Variants in STK3 observed in about 807,000 individuals in gnomAD.
STK3 encodes the protein serine/threonine-protein kinase 3.
A neutral mutation model predicts 58.0 loss-of-function variants in STK3; 41 were observed. The ratio of observed to expected loss-of-function variants is 0.71; its 90% CI spans 0.55 to 0.92. The LOEUF is 0.92. Among genes scored for constraint, STK3 ranks in the 40% least tolerant of loss-of-function variants. The pLI is 0.00. For missense variants in STK3, 479 were observed against 602.7 expected, an observed-to-expected ratio of 0.79 and a Z score of 2.15; for synonymous variants, 170 against 191.0, an observed-to-expected ratio of 0.89 and a Z score of 0.91.
At chr8:98,639,653 C>A (rs531311519) in intron 6 of STK3, among the ~76,000 whole-genome samples, 1 of 152,264 alleles carries the variant, frequency 6.6e-6, no homozygotes, top group African/African-American at 2.4e-5. Context: ...CTTTTCAAAA[C>A]CAAAGGCATA....
intron 10 of STK3, among the ~76,000 whole-genome samples, chr8:98,460,208 T>C (rs895124732): frequency 2.0e-5 from 3 of 152,218 alleles, no homozygotes; most frequent in African/African-American, 7.2e-5. Context: ...ATGTGAGACA[T>C]GGAGTCAAAG....
rs1390081929 is a variant in STK3 at position 98,638,009 on chromosome 8, T to A, written c.685-41840A>T. On this transcript the variant is annotated intron_variant, in intron 6 of 10. Transcript: ENST00000419617. ...ATCTGTTTTACTATTCCTTTTAAACTCTCTACTCATGCTACTTTAGGTGTG... is the reference window on the plus strand; with the variant it reads ...ATCTGTTTTACTATTCCTTTTAAACACTCTACTCATGCTACTTTAGGTGTG... 3.3e-5 allele frequency among the ~76,000 whole-genome samples: 5 copies of A among 152,276 alleles called. 1 individual carries two copies. The highest frequency in any genetic ancestry group is 1.2e-4 in the African/African-American group (5 of 41,576).
At chr8:98,713,490 T>C (rs1407759405) in intron 4 of STK3, among the ~76,000 whole-genome samples, 1 of 152,164 alleles carries the variant, frequency 6.6e-6, no homozygotes, top group African/African-American at 2.4e-5. Context: ...CAGAGAATAC[T>C]ATAAACACCT....
chr8:98,907,381 G>A (rs1269743910), intron 1 of STK3, among the ~76,000 whole-genome samples: 1 of 151,400 alleles, frequency 6.6e-6, no homozygotes, highest in Non-Finnish European at 1.5e-5. Context: ...AGGCGTGGTG[G>A]CACCACCTGT....
chr8:98,656,268 A>C (rs1821511303), intron 6 of STK3, among the ~76,000 whole-genome samples: 1 of 151,006 alleles, frequency 6.6e-6, no homozygotes, highest in East Asian at 2.0e-4. Flanking sequence ...TCTCACTCAT[A>C]GGTGGGAATT....
At chr8:98,515,169 C>T (rs1283624316) in intron 10 of STK3, among the ~76,000 whole-genome samples, 1 of 152,080 alleles carries the variant, frequency 6.6e-6, no homozygotes, top group African/African-American at 2.4e-5. Flanking sequence ...GTCTCCAGTT[C>T]CTCTCTATGC....
chr8:98,870,830 G>T (rs1452430729), intron 3 of STK3, among the ~76,000 whole-genome samples: 1 of 152,192 alleles, frequency 6.6e-6, no homozygotes, highest in Non-Finnish European at 1.5e-5. Context: ...TTGCTGTGCA[G>T]AAGCTCTTTA....
chr8:98,532,470 G>T (rs1214769247), intron 9 of STK3, among the ~76,000 whole-genome samples: 1 of 152,096 alleles, frequency 6.6e-6, no homozygotes, highest in Non-Finnish European at 1.5e-5. Flanking sequence ...ACAGATCAGT[G>T]TAACAGACAT....
chr8:98,631,727 C>T (rs1017771297), intron 6 of STK3, among the ~76,000 whole-genome samples: 1 of 152,156 alleles, frequency 6.6e-6, no homozygotes, highest in South Asian at 2.1e-4. Context: ...GGCAGTGGCA[C>T]GACCTCGGCT....
At chr8:98,742,164 T>G (rs1004495927) in intron 4 of STK3, among the ~76,000 whole-genome samples, 2 of 151,928 alleles carry the variant, frequency 1.3e-5, no homozygotes, top group Non-Finnish European at 2.9e-5. Flanking sequence ...AAGGAGGAAC[T>G]GGTACCATTC....
chr8:98,753,061 AAGACCTAG>A, intron 3 of STK3, among the ~76,000 whole-genome samples: 1 of 152,284 alleles, frequency 6.6e-6, no homozygotes, highest in East Asian at 1.9e-4. Context: ...CAATTCCTCA[AAGACCTAG>A]AGACCTAGAG....
At chr8:98,927,751 T>C (rs1313348707) in intron 1 of STK3, among the ~76,000 whole-genome samples, 1 of 152,190 alleles carries the variant, frequency 6.6e-6, no homozygotes, top group Non-Finnish European at 1.5e-5. Flanking sequence ...TGCTCTAGGA[T>C]TGTAAACTAT....
At chr8:98,883,599 A>G (rs893458076), downstream of STK3, 5 of 695,054 alleles carry the variant, frequency 7.2e-6, no homozygotes, top group African/African-American at 8.8e-5. Context: ...CGCAACACCA[A>G]AACTGCTGCC....
At chr8:98,700,402 A>G (rs578018171) in intron 6 of STK3, among the ~76,000 whole-genome samples, 1 of 152,150 alleles carries the variant, frequency 6.6e-6, no homozygotes, top group Non-Finnish European at 1.5e-5. Flanking sequence ...GGCACTCCCT[A>G]GTGAGATGAA....
chr8:98,528,795 G>A (rs1006429004), intron 9 of STK3, among the ~76,000 whole-genome samples: 1 of 152,134 alleles, frequency 6.6e-6, no homozygotes, highest in Non-Finnish European at 1.5e-5. Context: ...TTTTTAAAAC[G>A]TAAAATTGAA....
chr8:98,792,003 G>A (rs970501707), intron 1 of STK3, among the ~76,000 whole-genome samples: 2 of 152,246 alleles, frequency 1.3e-5, no homozygotes, highest in East Asian at 1.9e-4. Context: ...ACAAAAGAAC[G>A]GTCAGCAGAG....
downstream of STK3, among the ~76,000 whole-genome samples, chr8:98,454,087 AG>A (rs1819325326): frequency 6.6e-6 from 1 of 152,234 alleles, no homozygotes; most frequent in Non-Finnish European, 1.5e-5. Flanking sequence ...AGGGCTCAAC[AG>A]GGTAGAGACA....
At chr8:98,909,141 A>C (rs1295281765) in intron 1 of STK3, among the ~76,000 whole-genome samples, 2 of 152,206 alleles carry the variant, frequency 1.3e-5, no homozygotes, top group Non-Finnish European at 1.5e-5. Flanking sequence ...AGCCTGGGCA[A>C]CAGAGTGAGA....
chr8:98,346,284 CAAAA>C, the STK3 span, among the ~76,000 whole-genome samples: 2 of 118,174 alleles, frequency 1.7e-5, no homozygotes, highest in Admixed American at 8.4e-5. Flanking sequence ...GACTCCGTCT[CAAAA>C]AAAAAAAAAA....
Sources: gnomAD v4.1 joint callset for allele counts (sites outside exome capture counted in the v4.1 genomes callset) on GRCh38, gnomAD v4.1.1 for gene constraint, MANE v1.5 for transcripts, NCBI Gene and HGNC (gene_info 2026-07-23, HGNC 2026-07-21) for gene names.